TRIM41: variants seen among roughly 807,000 people sequenced by gnomAD.
TRIM41 encodes tripartite motif containing 41.
A neutral mutation model predicts 60.6 loss-of-function variants in TRIM41; 21 were observed. That is an observed-to-expected ratio of 0.35 (90% CI 0.25 to 0.50). The LOEUF (loss-of-function observed/expected upper bound fraction) is 0.50, where lower values mean the gene tolerates loss of function less well. Among genes scored for constraint, TRIM41 ranks in the 20% least tolerant of loss-of-function variants. The pLI, the probability that TRIM41 is intolerant of heterozygous loss-of-function variation, is 0.98. For missense variants in TRIM41, 846 were observed against 868.3 expected, an observed-to-expected ratio of 0.97 and a Z score of 0.32; for synonymous variants, 407 against 344.9, an observed-to-expected ratio of 1.18 and a Z score of -2.00.
chr5:181,233,209 A>G lies in TRIM41; in HGVS notation c.1141-204A>G, dbSNP rs1393649822. 1 of 731,666 alleles carries G rather than the reference A, an allele frequency of 1.4e-6. No individual in the cohort carries two copies. The highest frequency in any genetic ancestry group is 2.6e-5 in the East Asian group (1 of 38,270). 45.3% of individuals were successfully genotyped at this position (731,666 alleles called of 1,614,324 possible). ...TGGAAATGACAGTATCCCTGGGCTC[A>G]CAGCAGGATGAGGCGAGTTAGGTAT... On this transcript the variant is annotated intron_variant, in intron 3 of 5. Transcript: ENST00000315073. This position sits in a 1 kb window ranked among gnomAD's most constrained non-coding sequence, Gnocchi z 4.1.
In TRIM41 at chr5:181,232,643, CTTT is replaced by C. The variant is rs772243270; in HGVS notation, c.910-15_910-13del. The C allele has an allele frequency of 1.1e-5, 18 of 1,611,470 alleles. No homozygotes were observed. The Admixed American group carries it at 2.7e-4, about 24-fold the overall frequency. On this transcript the variant is annotated splice_polypyrimidine_tract_variant and intron_variant, in intron 2 of 5. Transcript: ENST00000315073. ...GTGTTGAGGTGGTGTCTGCCATCCC[CTTT>C]GCACCATTCCAGAGCCAGATGAAGT...
chr5:181,224,710 C>T lies in TRIM41; in HGVS notation c.711C>T (p.Phe237=). Residue 237 remains phenylalanine, a synonymous_variant, in exon 1 of 6, where the codon TTC becomes TTT. Coordinates refer to ENST00000315073, the MANE Select transcript of TRIM41 (RefSeq NM_033549.5). ...CPKHQEALKL[F]CEVDEEAICV... is the part of the protein sequence containing the mutation. ...AACACCAAGAAGCCCTGAAGCTCTT[C>T]TGCGAGGTAGACGAAGAGGCCATCT... 6.2e-7 allele frequency: 1 copy of T among 1,614,236 alleles called. No individual in the cohort carries two copies.
chr5:181,233,517 C>CT lies in TRIM41; in HGVS notation c.1163+82_1163+83insT. On this transcript the variant is annotated intron_variant, in intron 4 of 5. Coordinates refer to ENST00000315073, the MANE Select transcript of TRIM41 (RefSeq NM_033549.5). This position sits in a 1 kb window ranked among gnomAD's most constrained non-coding sequence, Gnocchi z 4.1. ...CTTCTCTTCGGTATCCCTCTCCTCTCCTTCCTTCCCCAGGACCTGAGTTTC... is the reference window on the plus strand; with the variant it reads ...CTTCTCTTCGGTATCCCTCTCCTCTCTCTTCCTTCCCCAGGACCTGAGTTTC... The CT allele has an allele frequency of 6.2e-7, 1 of 1,612,438 alleles. No individual in the cohort carries two copies. The highest frequency in any genetic ancestry group is 1.3e-5 in the African/African-American group (1 of 74,940).
In TRIM41 at chr5:181,235,604, C is replaced by G. The variant is rs1348007955; in HGVS notation, c.*829C>G. On this transcript the variant is annotated 3_prime_UTR_variant, in exon 6 of 6. Transcript: ENST00000315073. ...TCTCCCAGCCCCTTTCCATGCCTTT[C>G]ACTCCATTTGGCAAGCTCTGAGGGG... 9.1e-6 allele frequency: 6 copies of G among 656,576 alleles called. No homozygotes were observed. The highest frequency in any genetic ancestry group is 5.6e-5 in the Admixed American group (2 of 35,990). 40.7% of individuals were successfully genotyped at this position (656,576 alleles called of 1,614,324 possible). A position where few individuals can be genotyped will look rare whatever the true frequency, so the allele number is the denominator to read the frequency against.
At chr5:181,230,657 C>A in intron 1 of TRIM41, 87 bp from the exon 2 acceptor site, 1 of 1,044,018 alleles carries the variant, frequency 9.6e-7, no homozygotes, top group Non-Finnish European at 1.5e-6. Context: ...GGCTTTGACC[C>A]ATCTTGCTAT....
chr5:181,233,782 C>T lies in TRIM41; in HGVS notation c.1291+19C>T, dbSNP rs144758751. The T allele has an allele frequency of 9.2e-5, 149 of 1,614,186 alleles. No individual in the cohort carries two copies. In the Middle Eastern group the frequency reaches 5.9e-3, roughly 64 times the overall value. On this transcript the variant is annotated intron_variant, in intron 5 of 5. Coordinates refer to ENST00000315073, the MANE Select transcript of TRIM41 (RefSeq NM_033549.5). The surrounding 1 kb of genome is among the most constrained non-coding windows in gnomAD (Gnocchi z 4.1). ...GCGAGAGGTAGGGAGGTCACCTCCA[C>T]GACCTTCCTTTGCCTTTCCCTTCAC...
At chr5:181,229,249 G>A (rs1490201238) in intron 1 of TRIM41, 2 of 152,214 alleles carry the variant, frequency 1.3e-5, no homozygotes, top group African/African-American at 4.8e-5. Flanking sequence ...CTGATCTTCT[G>A]CTACATGCCA....
In TRIM41 at chr5:181,235,553, C is replaced by T. The variant is rs1389503378; in HGVS notation, c.*778C>T. The stretch of plus-strand genomic sequence containing the variant: ...GGTCTGCTCACTGCCAGGCTCCTCT[C>T]CCCTTTGTTCAGTGGAGCTGGCTTT... On this transcript the variant is annotated 3_prime_UTR_variant, in exon 6 of 6. Transcript: ENST00000315073. The T allele has an allele frequency of 2.1e-6, 2 of 962,076 alleles. No individual in the cohort carries two copies. The highest frequency in any genetic ancestry group is 2.6e-5 in the East Asian group (1 of 37,860). The allele number at this position is 962,076 out of a possible 1,614,324, so 59.6% of individuals were successfully genotyped here.
intron 1 of TRIM41, chr5:181,230,158 C>A: frequency 6.6e-6 from 1 of 152,350 alleles, no homozygotes; most frequent in Non-Finnish European, 1.5e-5. Context: ...CAGCTGTGAG[C>A]GTGGGAGCTC....
chr5:181,232,552 G>C (rs1758849081), intron 2 of TRIM41, 107 bp from the exon 3 acceptor site: 2 of 1,028,628 alleles, frequency 1.9e-6, no homozygotes, highest in African/African-American at 3.2e-5. Context: ...TGGACCTGGG[G>C]AGTGTAGGGC....
chr5:181,233,842 C>G lies in TRIM41; in HGVS notation c.1291+79C>G. 6 of 1,603,330 alleles carry G rather than the reference C, an allele frequency of 3.7e-6. No homozygotes were observed. The South Asian group carries it at 5.5e-5, about 15-fold the overall frequency. On this transcript the variant is annotated intron_variant, in intron 5 of 5. Transcript: ENST00000315073. This position sits in a 1 kb window ranked among gnomAD's most constrained non-coding sequence, Gnocchi z 4.1. Reference sequence around the variant, plus strand: ...ACTGGGTCCTGAGGGAAGTTGGGCCCCAGGGAAACTGTGGGGCTTGAGATG... The same window carrying G: ...ACTGGGTCCTGAGGGAAGTTGGGCCGCAGGGAAACTGTGGGGCTTGAGATG...
intron 1 of TRIM41, chr5:181,228,683 C>T (rs2113162070): frequency 1.3e-5 from 2 of 151,050 alleles, no homozygotes; most frequent in East Asian, 3.9e-4. Flanking sequence ...ACCTGTAGTC[C>T]CAGCACTTTG....
Position 181,223,620 on chromosome 5 carries a change from C to T in TRIM41, c.-380C>T, listed in dbSNP as rs1758390033. The T allele has an allele frequency of 6.5e-6, 3 of 460,960 alleles. No individual in the cohort carries two copies. The East Asian group carries it at 9.4e-5, about 14-fold the overall frequency. The allele number at this position is 460,960 out of a possible 1,614,324, so 28.6% of individuals were successfully genotyped here. On this transcript the variant is annotated 5_prime_UTR_variant, in exon 1 of 6. Coordinates refer to ENST00000315073, the MANE Select transcript of TRIM41 (RefSeq NM_033549.5). ...GTAGCAGGACAGCGGAGGGAAGTCGCGAGCTTAGGTGGTGTGTAGACGCCG... is the reference window on the plus strand; with the variant it reads ...GTAGCAGGACAGCGGAGGGAAGTCGTGAGCTTAGGTGGTGTGTAGACGCCG...
rs1284885617 is a variant in TRIM41, at chr5:181,224,510, C to T, written c.511C>T (p.Leu171=). ...EEEDLDPVTP[L]PPPPAPRRCF... is the part of the protein sequence containing the mutation. Reference sequence around the variant, plus strand: ...AGAGGATCTAGACCCCGTCACCCCACTGCCCCCGCCTCCAGCCCCTCGGAG... The same window carrying T: ...AGAGGATCTAGACCCCGTCACCCCATTGCCCCCGCCTCCAGCCCCTCGGAG... The change falls in exon 1 of 6, where the codon CTG becomes TTG. Residue 171 remains leucine (L), a synonymous_variant. Coordinates refer to ENST00000315073, the MANE Select transcript of TRIM41 (RefSeq NM_033549.5). 1 of 1,611,942 alleles carries T rather than the reference C, an allele frequency of 6.2e-7. No individual in the cohort carries two copies. The highest frequency in any genetic ancestry group is 1.7e-5 in the Admixed American group (1 of 59,972).
chr5:181,233,951 G>A lies in TRIM41; in HGVS notation c.1291+188G>A. 8.4e-7 allele frequency: 1 copy of A among 1,187,246 alleles called. No homozygotes were observed. Among genetic ancestry groups the A allele is most frequent in the Non-Finnish European group, 1.2e-6 (1 of 841,914 alleles). 73.5% of individuals were successfully genotyped at this position (1,187,246 alleles called of 1,614,324 possible). On this transcript the variant is annotated intron_variant, in intron 5 of 5. Coordinates refer to ENST00000315073, the MANE Select transcript of TRIM41 (RefSeq NM_033549.5). This position sits in a 1 kb window ranked among gnomAD's most constrained non-coding sequence, Gnocchi z 4.1. ...TAGTGCAGGCAGGCCTGGAGGGTGG[G>A]GTGGGGTGGAGTGGCAGGAAGAGCC...
intron 1 of TRIM41, 56 bp from the exon 2 acceptor site, chr5:181,230,688 G>T (rs1758758553): frequency 6.9e-7 from 1 of 1,443,990 alleles, no homozygotes; most frequent in African/African-American, 1.4e-5. Context: ...GCAGAGGTAG[G>T]CTCTGAAGGG....
rs1214099188 is a variant in TRIM41, at chr5:181,234,215, A to G, written c.1333A>G (p.Met445Val). The G allele has an allele frequency of 2.5e-6, 4 of 1,613,188 alleles. No homozygotes were observed. Among genetic ancestry groups the G allele is most frequent in the Non-Finnish European group, 3.4e-6 (4 of 1,179,964 alleles). The change falls in exon 6 of 6, where the codon ATG becomes GTG. Residue 445 changes from methionine to valine, a missense_variant. By Grantham distance (21) the Met-to-Val change is conservative (BLOSUM62 1). Coordinates refer to ENST00000315073, the MANE Select transcript of TRIM41 (RefSeq NM_033549.5). The surrounding 1 kb of genome is among the most constrained non-coding windows in gnomAD (Gnocchi z 5.6). The part of the protein sequence containing the change: ...LDPDTAHPAL[M>V]LSPDRRGVRL... Reference sequence around the variant, plus strand: ...CCCTGACACGGCTCACCCGGCCCTGATGCTGTCCCCTGACCGCCGGGGGGT... The same window carrying G: ...CCCTGACACGGCTCACCCGGCCCTGGTGCTGTCCCCTGACCGCCGGGGGGT...
chr5:181,230,496 CAAAAAAAAAAAAA>C (rs60815823), intron 1 of TRIM41: 23 of 43,730 alleles, frequency 5.3e-4, no homozygotes, highest in East Asian at 1.4e-3. Flanking sequence ...GACTCTGTCT[CAAAAAAAAAAAAA>C]AAAAAAAAAA....
In TRIM41 at chr5:181,233,346, C is replaced by T; in HGVS notation, c.1141-67C>T. On this transcript the variant is annotated intron_variant, in intron 3 of 5. Coordinates refer to ENST00000315073, the MANE Select transcript of TRIM41 (RefSeq NM_033549.5). This position sits in a 1 kb window ranked among gnomAD's most constrained non-coding sequence, Gnocchi z 4.1. ...CTGACTGGAGATCGGGGAACGCTGT[C>T]CCTGTGCAGCTGACACTCTCTTTAT... 6.6e-7 allele frequency: 1 copy of T among 1,517,874 alleles called. No homozygotes were observed. Among genetic ancestry groups the T allele is most frequent in the East Asian group, 2.3e-5 (1 of 44,412 alleles). The allele number at this position is 1,517,874 out of a possible 1,614,324, so 94.0% of individuals were successfully genotyped here.
Sources: gnomAD v4.1 joint callset for allele counts on GRCh38, gnomAD v4.1.1 for gene constraint, Gnocchi (gnomAD v3.1) non-coding constraint, MANE v1.5 for transcripts, NCBI Gene and HGNC (gene_info 2026-07-23, HGNC 2026-07-21) for gene names.